Variants in FAM184B observed in about 807,000 individuals in gnomAD.
FAM184B encodes the protein protein FAM184B.
In FAM184B, 111 loss-of-function variants were observed where a neutral mutation model predicts 135.9. That is an observed-to-expected ratio of 0.82 (90% CI 0.70 to 0.96). FAM184B has a LOEUF of 0.96. Ranked by LOEUF, FAM184B falls within the 40% of genes least tolerant of loss-of-function variation. The probability of loss-of-function intolerance (pLI) is 0.00; values close to 1 mark genes in which losing one functional copy is unlikely to be tolerated. For synonymous variants in FAM184B, 552 were observed against 524.8 expected, an observed-to-expected ratio of 1.05 and a Z score of -0.71; for missense variants, 1,375 against 1,323.9, an observed-to-expected ratio of 1.04 and a Z score of -0.60.
Position 17,676,762 on chromosome 4 carries a change from T to C in FAM184B, c.1596+11662A>G, listed in dbSNP as rs917196363. ...TTATCTTTTCTATGTTTAGCTACTT[T>C]AGGATACATAAATATTTACCCTTGT... is the stretch of plus-strand genomic sequence containing the variant. On this transcript the variant is annotated intron_variant, in intron 7 of 17. Coordinates refer to ENST00000265018, the MANE Select transcript of FAM184B (RefSeq NM_015688.2). Among the ~76,000 whole-genome samples the C allele has an allele frequency of 6.6e-5, 10 of 152,338 alleles. No individual in the cohort carries two copies. The South Asian group carries it at 1.9e-3, about 28-fold the overall frequency.
intron 1 of FAM184B, among the ~76,000 whole-genome samples, chr4:17,738,080 G>T (rs548903480): frequency 1.3e-5 from 2 of 152,120 alleles, no homozygotes; most frequent in East Asian, 3.9e-4. Flanking sequence ...GGATGAGCAG[G>T]TATCTAAGAC....
At chr4:17,746,253 C>T (rs1168550723) in intron 1 of FAM184B, among the ~76,000 whole-genome samples, 1 of 152,000 alleles carries the variant, frequency 6.6e-6, no homozygotes, top group African/African-American at 2.4e-5. Context: ...GCCACTGCAC[C>T]TGACTGCTAC....
chr4:17,742,191 G>T (rs1718063259), intron 1 of FAM184B, among the ~76,000 whole-genome samples: 2 of 145,688 alleles, frequency 1.4e-5, no homozygotes, highest in Non-Finnish European at 3.0e-5. Flanking sequence ...AAAGAGGCTG[G>T]CCAAGGTGGT....
chr4:17,651,567 GAA>G (rs1715619276), intron 11 of FAM184B, among the ~76,000 whole-genome samples: 2 of 113,058 alleles, frequency 1.8e-5, no homozygotes, highest in Admixed American at 1.8e-4. Context: ...AAAAAAAGAA[GAA>G]AAGAAACATT....
At chr4:17,694,437 G>A (rs139448323) in intron 5 of FAM184B, among the ~76,000 whole-genome samples, 2,523 of 152,024 alleles carry the variant, frequency 0.017, 63 homozygotes, top group African/African-American at 0.056. Flanking sequence ...GCAGGAGAAT[G>A]GTGTGAACCC....
chr4:17,732,506 T>A (rs1484824491), intron 1 of FAM184B, among the ~76,000 whole-genome samples: 3 of 151,940 alleles, frequency 2.0e-5, no homozygotes, highest in Non-Finnish European at 4.4e-5. Context: ...AAAGGGGATA[T>A]CACCTCCGAT....
intron 4 of FAM184B, 68 bp downstream of exon 4, chr4:17,705,684 C>G (rs996279494): frequency 6.5e-7 from 1 of 1,528,650 alleles, no homozygotes; most frequent in Non-Finnish European, 8.8e-7. Flanking sequence ...TGGCCTCTAC[C>G]TGACGCTTAT....
chr4:17,709,268 T>C lies in FAM184B; in HGVS notation c.518A>G (p.Gln173Arg). ...QHLTSHEATP[Q>R]GRLPQESPET... ...AGGGCTCTCCTGGGGCAGCCGGCCC[T>C]GCGGGGTAGCCTCGTGGCTCGTCAG... The change falls in exon 2 of 18, where the codon CAG becomes CGG. Residue 173 changes from glutamine (Q) to arginine (R), a missense_variant. Transcript: ENST00000265018. 4 of 1,548,090 alleles carry C rather than the reference T, an allele frequency of 2.6e-6. No individual in the cohort carries two copies. The highest frequency in any genetic ancestry group is 3.5e-6 in the Non-Finnish European group (4 of 1,145,180).
intron 5 of FAM184B, among the ~76,000 whole-genome samples, chr4:17,704,408 A>C (rs1717060419): frequency 6.6e-6 from 1 of 152,184 alleles, no homozygotes; most frequent in African/African-American, 2.4e-5. Context: ...GCTGCTGATT[A>C]ATCACCTGTA....
intron 13 of FAM184B, among the ~76,000 whole-genome samples, chr4:17,641,845 C>T (rs11932805): frequency 0.98 from 149,501 of 151,896 alleles, 73,608 homozygotes; most frequent in East Asian, 1. Flanking sequence ...TTTTGAGATC[C>T]AGAATTTCTG....
At chr4:17,640,819 A>G (rs1014328456) in intron 13 of FAM184B, among the ~76,000 whole-genome samples, 1 of 152,224 alleles carries the variant, frequency 6.6e-6, no homozygotes, top group South Asian at 2.1e-4. Context: ...GATTGATGAT[A>G]GGTTTTTCAC....
At chr4:17,735,075 G>A (rs919539971) in intron 1 of FAM184B, among the ~76,000 whole-genome samples, 1 of 151,286 alleles carries the variant, frequency 6.6e-6, no homozygotes, top group African/African-American at 2.4e-5. Flanking sequence ...GCAAACTATC[G>A]CAAGGAGAAA....
Position 17,733,205 on chromosome 4 carries a change from C to T in FAM184B, c.142-23561G>A, listed in dbSNP as rs1189311861. ...CGTATCTCAAAATAATAAGAGCTAT[C>T]TATGACAAACCCACAGCCAATATCA... On this transcript the variant is annotated intron_variant, in intron 1 of 17. Coordinates refer to ENST00000265018, the MANE Select transcript of FAM184B (RefSeq NM_015688.2). 8.2e-3 allele frequency among the ~76,000 whole-genome samples: 1,242 copies of T among 152,102 alleles called. 16 individuals carry two copies. Among genetic ancestry groups the T allele is most frequent in the African/African-American group, 0.028 (1,141 of 41,466 alleles).
intron 1 of FAM184B, among the ~76,000 whole-genome samples, chr4:17,711,371 G>A (rs2108967576): frequency 6.6e-6 from 1 of 152,190 alleles, no homozygotes; most frequent in Admixed American, 6.5e-5. Flanking sequence ...CCAGCTACTG[G>A]GGAGGCCGAG....
At chr4:17,682,316 C>T (rs1716461157) in intron 7 of FAM184B, among the ~76,000 whole-genome samples, 1 of 152,114 alleles carries the variant, frequency 6.6e-6, no homozygotes, top group East Asian at 1.9e-4. Context: ...AGGAGACTGG[C>T]AGGGAGAGAC....
Position 17,709,634 on chromosome 4 carries a change from G to A in FAM184B, c.152C>T (p.Ala51Val), listed in dbSNP as rs577219429. ...KIAQLTKVIY[A>V]LNTRQDEAEA... ...AGCCTCATCCTGGCGGGTGTTCAGGGCATAAATCACCTGCAGGAAAATCAA... is the reference window on the plus strand; with the variant it reads ...AGCCTCATCCTGGCGGGTGTTCAGGACATAAATCACCTGCAGGAAAATCAA... The change falls in exon 2 of 18, where the codon GCC (alanine) becomes GTC (valine). Residue 51 changes from alanine (A) to valine (V), a missense_variant. Transcript: ENST00000265018. 6 of 1,499,862 alleles carry A rather than the reference G, an allele frequency of 4.0e-6. No individual in the cohort carries two copies. In the East Asian group the frequency reaches 7.4e-5, roughly 18 times the overall value. The allele number at this position is 1,499,862 out of a possible 1,614,324, so 92.9% of individuals were successfully genotyped here.
intron 7 of FAM184B, among the ~76,000 whole-genome samples, chr4:17,668,464 T>C (rs1159320008): frequency 6.6e-6 from 1 of 152,228 alleles, no homozygotes; most frequent in Non-Finnish European, 1.5e-5. Context: ...TTTGTTGCAA[T>C]TATACCTTCT....
At chr4:17,667,160 A>G (rs1026178842) in intron 7 of FAM184B, among the ~76,000 whole-genome samples, 2 of 151,646 alleles carry the variant, frequency 1.3e-5, no homozygotes, top group Non-Finnish European at 2.9e-5. Flanking sequence ...GGGTCTTGCT[A>G]TGTTGCCTAG....
At chr4:17,632,767 G>A (rs1310629815) in intron 17 of FAM184B, 142 bp from the exon 18 acceptor site, 2 of 578,522 alleles carry the variant, frequency 3.5e-6, no homozygotes, top group African/African-American at 1.9e-5. Context: ...ATTAGTAGTG[G>A]GAAACAAATT....
Sources: gnomAD v4.1 joint callset for allele counts (sites outside exome capture counted in the v4.1 genomes callset) on GRCh38, gnomAD v4.1.1 for gene constraint, MANE v1.5 for transcripts, NCBI Gene and HGNC (gene_info 2026-07-23, HGNC 2026-07-21) for gene names.